Variants in PCNX2 observed in about 807,000 individuals in gnomAD.
The protein encoded by PCNX2 is pecanex-like protein 2.
A neutral mutation model predicts 223.8 loss-of-function variants in PCNX2; 168 were observed. The ratio of observed to expected loss-of-function variants is 0.75; its 90% CI spans 0.66 to 0.85. PCNX2 has a LOEUF of 0.85. Ranked by LOEUF, PCNX2 falls within the 40% of genes least tolerant of loss-of-function variation. The pLI is 0.00. For synonymous variants in PCNX2, 1,006 were observed against 1,052.6 expected, an observed-to-expected ratio of 0.96 and a Z score of 0.86; for missense variants, 2,507 against 2,675.5, an observed-to-expected ratio of 0.94 and a Z score of 1.39.
chr1:233,061,481 C>T (rs371255404), intron 23 of PCNX2, among the ~76,000 whole-genome samples: 59 of 152,206 alleles, frequency 3.9e-4, no homozygotes, highest in Non-Finnish European at 1.0e-4. Context: ...CTCGGATCAG[C>T]GCCTTCAGGT....
At chr1:233,198,543 A>C (rs989403654) in intron 15 of PCNX2, among the ~76,000 whole-genome samples, 7 of 152,208 alleles carry the variant, frequency 4.6e-5, no homozygotes, top group African/African-American at 1.7e-4. Context: ...TGTGGCTGTC[A>C]TATCCTCTTC....
the PCNX2 span, among the ~76,000 whole-genome samples, chr1:233,310,347 G>T: frequency 1.3e-5 from 2 of 152,120 alleles, no homozygotes; most frequent in Non-Finnish European, 2.9e-5. Context: ...AGTACCAATA[G>T]GATCCAAAAA....
chr1:233,222,461 G>GC (rs759659087), intron 10 of PCNX2, among the ~76,000 whole-genome samples: 2 of 152,160 alleles, frequency 1.3e-5, no homozygotes, highest in African/African-American at 2.4e-5. Flanking sequence ...GGAGGCTGGG[G>GC]CAGGAGGATT....
Position 233,258,614 on chromosome 1 carries a change from C to T in PCNX2, c.1248G>A (p.Gly416=), listed in dbSNP as rs1659867805. ...GCTCGGCATTTGGAGAACCGGCCGC[C>T]CCTGGGTTAGTGGGCTCAGCGTCAG... The part of the protein sequence containing the change: ...VKSDAEPTNP[G]AAGSPNAEQI... Residue 416 remains glycine (G), a synonymous_variant, in exon 5 of 34, where the codon GGG becomes GGA. Coordinates refer to ENST00000258229, the MANE Select transcript of PCNX2 (RefSeq NM_014801.4). 4 of 1,613,962 alleles carry T rather than the reference C, an allele frequency of 2.5e-6. No homozygotes were observed. The highest frequency in any genetic ancestry group is 3.4e-6 in the Non-Finnish European group (4 of 1,179,880).
intron 32 of PCNX2, among the ~76,000 whole-genome samples, chr1:232,993,017 G>C (rs530673094): frequency 6.6e-6 from 1 of 152,152 alleles, no homozygotes; most frequent in Non-Finnish European, 1.5e-5. Flanking sequence ...TTATAGCAGT[G>C]TGAAAATGGA....
chr1:233,112,064 C>T (rs987363765), intron 21 of PCNX2, among the ~76,000 whole-genome samples: 2 of 152,216 alleles, frequency 1.3e-5, no homozygotes, highest in African/African-American at 4.8e-5. Context: ...GTAACTATCT[C>T]AGTCTCATTC....
intron 25 of PCNX2, among the ~76,000 whole-genome samples, chr1:233,030,661 A>G (rs143875302): frequency 6.6e-6 from 1 of 152,320 alleles, no homozygotes; most frequent in East Asian, 1.9e-4. Flanking sequence ...CCAGGGGGAT[A>G]ATATCTCTAC....
intron 9 of PCNX2, among the ~76,000 whole-genome samples, chr1:233,234,025 G>A (rs1658234442): frequency 6.6e-6 from 1 of 152,032 alleles, no homozygotes; most frequent in African/African-American, 2.4e-5. Flanking sequence ...CTTTTCCTGT[G>A]TCCCACACCA....
chr1:232,994,501 G>T (rs535668319), intron 32 of PCNX2, among the ~76,000 whole-genome samples: 1 of 152,304 alleles, frequency 6.6e-6, no homozygotes, highest in East Asian at 1.9e-4. Context: ...GAAGGGTCTT[G>T]TCTTGTCTCA....
intron 21 of PCNX2, among the ~76,000 whole-genome samples, chr1:233,116,770 CAA>C (rs145617614): frequency 0.011 from 1,729 of 151,802 alleles, 31 homozygotes; most frequent in African/African-American, 0.039. Context: ...AAATAAATCC[CAA>C]GAGAAGAAAG....
intron 23 of PCNX2, among the ~76,000 whole-genome samples, chr1:233,060,440 A>G (rs1000715443): frequency 1.3e-5 from 2 of 152,236 alleles, no homozygotes; most frequent in East Asian, 3.8e-4. Flanking sequence ...TCAGAAGCCT[A>G]TAGAACACAG....
At chr1:233,250,603 C>T (rs1659394841) in intron 8 of PCNX2, 136 bp downstream of exon 8, 8 of 1,315,570 alleles carry the variant, frequency 6.1e-6, no homozygotes, top group Non-Finnish European at 2.9e-6. Flanking sequence ...CTTTTTCTTT[C>T]ATACAAAACC....
chr1:233,005,715 C>T (rs559422882), intron 28 of PCNX2, among the ~76,000 whole-genome samples: 2 of 152,246 alleles, frequency 1.3e-5, no homozygotes, highest in South Asian at 4.1e-4. Context: ...ACAAGCCAAG[C>T]GGGGGTGGCG....
chr1:233,120,185 G>A (rs1011139757), intron 21 of PCNX2, among the ~76,000 whole-genome samples: 903 of 109,354 alleles, frequency 8.3e-3, no homozygotes, highest in Middle Eastern at 0.015. Context: ...AAAAAAAAAA[G>A]AAATAAAAAG....
intron 9 of PCNX2, among the ~76,000 whole-genome samples, chr1:233,232,295 T>C (rs1658111732): frequency 6.6e-6 from 1 of 152,206 alleles, no homozygotes; most frequent in Non-Finnish European, 1.5e-5. Flanking sequence ...AGATATTCAA[T>C]ACTTTATTAC....
intron 23 of PCNX2, among the ~76,000 whole-genome samples, chr1:233,063,366 G>A (rs1369973349): frequency 6.6e-6 from 1 of 152,020 alleles, no homozygotes; most frequent in Non-Finnish European, 1.5e-5. Flanking sequence ...AGGGAAAAAA[G>A]GTAAAGGAGA....
Position 233,161,176 on chromosome 1 carries a change from C to T in PCNX2, c.3366+95G>A, listed in dbSNP as rs1326363696. ...CGGGCATTTTGTTTTCTTTCTCTGG[C>T]TCACGTGTCTTGTCAATACCCTGTA... On this transcript the variant is annotated intron_variant, in intron 18 of 33. Transcript: ENST00000258229. The T allele has an allele frequency of 5.2e-6, 6 of 1,152,996 alleles. No individual in the cohort carries two copies. The African/African-American group carries it at 7.7e-5, about 15-fold the overall frequency. The allele number at this position is 1,152,996 out of a possible 1,614,324, so 71.4% of individuals were successfully genotyped here.
intron 23 of PCNX2, among the ~76,000 whole-genome samples, chr1:233,069,275 C>T (rs1021813977): frequency 2.0e-5 from 3 of 151,942 alleles, no homozygotes; most frequent in African/African-American, 7.3e-5. Context: ...ACTTAAACAC[C>T]CATGTCTTAA....
At chr1:233,047,441 G>A in intron 25 of PCNX2, 1 of 978,578 alleles carries the variant, frequency 1.0e-6, no homozygotes, top group Non-Finnish European at 1.2e-6. Flanking sequence ...AAATGGCACA[G>A]AACTTGTGAC....
Sources: gnomAD v4.1 joint callset for allele counts (sites outside exome capture counted in the v4.1 genomes callset) on GRCh38, gnomAD v4.1.1 for gene constraint, MANE v1.5 for transcripts, NCBI Gene and HGNC (gene_info 2026-07-23, HGNC 2026-07-21) for gene names.